Variants in OTUD4 observed in about 807,000 individuals in gnomAD.
OTUD4 encodes the protein OTU domain-containing protein 4.
In OTUD4, 24 loss-of-function variants were observed where a neutral mutation model predicts 130.4. That is an observed-to-expected ratio of 0.18 (90% confidence interval 0.13 to 0.26). OTUD4 has a LOEUF of 0.26. Among genes scored for constraint, OTUD4 ranks in the 10% least tolerant of loss-of-function variants. The pLI, the probability that OTUD4 is intolerant of heterozygous loss-of-function variation, is 1.00. For synonymous variants in OTUD4, 420 were observed against 472.5 expected (o/e 0.89, Z 1.44); for missense variants, 1,031 against 1,329.4 (o/e 0.78, Z 3.49).
At chr4:145,167,024 T>C (rs1436197924) in intron 3 of OTUD4, among the ~76,000 whole-genome samples, 1 of 152,084 alleles carries the variant, frequency 6.6e-6, no homozygotes, top group Non-Finnish European at 1.5e-5. Flanking sequence ...TGTGCACACA[T>C]AGAAAGGGGA....
In OTUD4 at chr4:145,134,869, T is replaced by C. The variant is rs1167855628; in HGVS notation, c.*2561A>G. The C allele has an allele frequency of 1.0e-5, 4 of 398,864 alleles. No individual in the cohort carries two copies. The highest frequency in any genetic ancestry group is 1.8e-5 in the Non-Finnish European group (4 of 226,004). 24.7% of individuals were successfully genotyped at this position (398,864 alleles called of 1,614,324 possible). ...TTTGGTCAGTCTGTTCTTCAAAATA[T>C]GTATGATCATAATATGGTGAAGTTT... is the stretch of plus-strand genomic sequence containing the variant. On this transcript the variant is annotated 3_prime_UTR_variant, in exon 21 of 21. Transcript: ENST00000447906.
At position 145,179,902 on chromosome 4, in the gene OTUD4, G is replaced by A. The variant is rs1252654423; in HGVS notation, c.72C>T (p.Pro24=). The change falls in exon 1 of 21, where the codon CCC becomes CCT. Residue 24 remains proline (P), a synonymous_variant. Transcript: ENST00000447906. Reference sequence around the variant, plus strand: ...CCAGTTTCCGCAGATAGGCGTCCATGGGCGTCGCGTCCTCGCGGGGCCCCG... The same window carrying A: ...CCAGTTTCCGCAGATAGGCGTCCATAGGCGTCGCGTCCTCGCGGGGCCCCG... ...GGAGPREDAT[P]MDAYLRKLGL... The A allele has an allele frequency of 1.8e-5, 28 of 1,528,814 alleles. No individual in the cohort carries two copies. Among genetic ancestry groups the A allele is most frequent in the Non-Finnish European group, 2.4e-5 (28 of 1,144,256 alleles). The allele number at this position is 1,528,814 out of a possible 1,614,324, so 94.7% of individuals were successfully genotyped here.
At chr4:145,140,633 C>G (rs1750513558) in intron 19 of OTUD4, among the ~76,000 whole-genome samples, 1 of 152,092 alleles carries the variant, frequency 6.6e-6, no homozygotes, top group Non-Finnish European at 1.5e-5. Context: ...AAAAATAAGA[C>G]ATACTAAATA....
chr4:145,148,294 G>A (rs949199280), intron 13 of OTUD4, among the ~76,000 whole-genome samples: 1 of 152,182 alleles, frequency 6.6e-6, no homozygotes, highest in African/African-American at 2.4e-5. Context: ...AAGGTCAGGA[G>A]TTCGAGACCA....
intron 4 of OTUD4, among the ~76,000 whole-genome samples, chr4:145,164,880 T>C (rs1199069273): frequency 1.3e-5 from 2 of 152,098 alleles, no homozygotes; most frequent in Non-Finnish European, 2.9e-5. Context: ...AAGTAGAAAA[T>C]CATTTCTCTA....
chr4:145,162,814 T>A (rs1751646102), intron 5 of OTUD4, 93 bp from the exon 6 acceptor site: 2 of 597,060 alleles, frequency 3.3e-6, no homozygotes, highest in Admixed American at 7.3e-5. Context: ...AATTACTAGA[T>A]CATTTCCAAA....
chr4:145,162,765 A>T (rs372809128), intron 5 of OTUD4, 44 bp from the exon 6 acceptor site: 1 of 983,210 alleles, frequency 1.0e-6, no homozygotes, highest in African/African-American at 1.6e-5. Context: ...CCTCATACAT[A>T]TAACATTTAC....
chr4:145,134,415 T>C lies in OTUD4; in HGVS notation c.*3015A>G. 3.2e-6 allele frequency: 1 copy of C among 314,598 alleles called. No individual in the cohort carries two copies. The allele number at this position is 314,598 out of a possible 1,614,324, so 19.5% of individuals were successfully genotyped here. Reference sequence around the variant, plus strand: ...AAACGAAAGAGGCAAAAATAAATATTGCTAGTTTCTAGGATGGCTGAATGT... The same window carrying C: ...AAACGAAAGAGGCAAAAATAAATATCGCTAGTTTCTAGGATGGCTGAATGT... On this transcript the variant is annotated 3_prime_UTR_variant, in exon 21 of 21. Transcript: ENST00000447906.
intron 7 of OTUD4, among the ~76,000 whole-genome samples, chr4:145,157,702 A>G (rs891764816): frequency 1.3e-5 from 2 of 151,498 alleles, no homozygotes; most frequent in East Asian, 1.9e-4. Context: ...AAAAAAAAAA[A>G]AAAAAGAAAT....
At position 145,138,197 on chromosome 4, in the gene OTUD4, G is replaced by A. The variant is rs372368736; in HGVS notation, c.2578C>T (p.His860Tyr). The A allele has an allele frequency of 2.5e-6, 4 of 1,614,002 alleles. No homozygotes were observed. Among genetic ancestry groups the A allele is most frequent in the Non-Finnish European group, 3.4e-6 (4 of 1,179,874 alleles). Residue 860 changes from histidine (H) to tyrosine (Y), a missense_variant, in exon 21 of 21, where the codon CAT (histidine) becomes TAT (tyrosine). His to Tyr is a moderately conservative substitution (Grantham distance 83). Transcript: ENST00000447906. ...PVPIAPPFFP[H>Y]VWYGYPFQGF... ...TGAAAAGGGTACCCATACCAAACAT[G>A]AGGAAAGAAAGGAGGTGCAATAGGA...
chr4:145,141,752 T>C (rs1308459330), intron 18 of OTUD4, 113 bp from the exon 19 acceptor site: 4 of 895,120 alleles, frequency 4.5e-6, no homozygotes, highest in Non-Finnish European at 6.5e-6. Flanking sequence ...TCTAAAGTAG[T>C]ACCTTTTAGT....
At chr4:145,142,397 T>A in intron 17 of OTUD4, 63 bp from the exon 18 acceptor site, 1 of 1,451,662 alleles carries the variant, frequency 6.9e-7, no homozygotes. Flanking sequence ...GCTTTAACAC[T>A]ATTTCTAACC....
intron 6 of OTUD4, among the ~76,000 whole-genome samples, chr4:145,161,210 A>G (rs1751546668): frequency 6.6e-6 from 1 of 152,210 alleles, no homozygotes; most frequent in African/African-American, 2.4e-5. Context: ...TCTTTCTTCC[A>G]GGTTCCAGTA....
chr4:145,157,826 G>A (rs1262832131), intron 7 of OTUD4, among the ~76,000 whole-genome samples: 2 of 151,960 alleles, frequency 1.3e-5, no homozygotes, highest in Non-Finnish European at 2.9e-5. Flanking sequence ...ACCTTCTCTG[G>A]TAAACTTCTC....
intron 7 of OTUD4, among the ~76,000 whole-genome samples, chr4:145,158,309 C>A (rs1253257854): frequency 6.6e-6 from 1 of 151,996 alleles, no homozygotes; most frequent in Admixed American, 6.6e-5. Flanking sequence ...GGTGAAACCC[C>A]ATCTCTACTA....
intron 13 of OTUD4, among the ~76,000 whole-genome samples, chr4:145,147,255 T>C (rs1024675477): frequency 9.9e-5 from 15 of 152,282 alleles, no homozygotes; most frequent in Non-Finnish European, 2.1e-4. Context: ...TATCTGATTT[T>C]TTTTTAACCT....
intron 1 of OTUD4, chr4:145,178,401 T>C (rs1015766239): frequency 1.3e-5 from 2 of 152,246 alleles, no homozygotes; most frequent in African/African-American, 4.8e-5. Flanking sequence ...ACGTTATAAA[T>C]ACGGGCTGAA....
rs1750288987 is a variant in OTUD4 at position 145,136,724 on chromosome 4, T to C, written c.*706A>G. 1 of 152,622 alleles carries C rather than the reference T, an allele frequency of 6.6e-6. No homozygotes were observed. Among genetic ancestry groups the C allele is most frequent in the Non-Finnish European group, 1.5e-5 (1 of 68,028 alleles). 9.5% of individuals were successfully genotyped at this position (152,622 alleles called of 1,614,324 possible). On this transcript the variant is annotated 3_prime_UTR_variant, in exon 21 of 21. Transcript: ENST00000447906. ...CATTTCATTGGATTTCCTACTATTC[T>C]TCTATGCAATCTCAACAAATACCAA...
intron 4 of OTUD4, among the ~76,000 whole-genome samples, chr4:145,164,899 A>C (rs372182300): frequency 6.6e-6 from 1 of 152,204 alleles, no homozygotes; most frequent in African/African-American, 2.4e-5. Context: ...TACAAAGTTG[A>C]TAAGTGATAT....
Sources: allele counts gnomAD v4.1 joint callset (sites outside exome capture counted in the v4.1 genomes callset), GRCh38; gene constraint gnomAD v4.1.1; transcripts MANE v1.5; gene names NCBI Gene and HGNC (gene_info 2026-07-23, HGNC 2026-07-21).